ANAPC10: variants seen among roughly 807,000 people sequenced by gnomAD.
ANAPC10 encodes the protein anaphase promoting complex subunit 10, also known as anaphase-promoting complex subunit 10.
Under a neutral mutation model 22.0 loss-of-function variants are expected in ANAPC10, and 12 were observed. The ratio of observed to expected loss-of-function variants is 0.55; its 90% confidence interval spans 0.35 to 0.88. ANAPC10 has a LOEUF of 0.88. Among genes scored for constraint, ANAPC10 ranks in the 40% least tolerant of loss-of-function variants. The pLI, the probability that ANAPC10 is intolerant of heterozygous loss-of-function variation, is 0.01. For missense variants in ANAPC10, 188 were observed against 220.9 expected (o/e 0.85, Z 0.94); for synonymous variants, 65 against 69.5 (o/e 0.94, Z 0.32).
chr4:145,097,810 CG>C (rs1748807416), intron 1 of ANAPC10: 2 of 337,778 alleles, frequency 5.9e-6, no homozygotes, highest in Non-Finnish European at 1.2e-5. Context: ...ATTCAACTGC[CG>C]GACTTGGGAC....
chr4:145,097,509 C>T (rs952211365), intron 1 of ANAPC10: 5 of 1,287,196 alleles, frequency 3.9e-6, no homozygotes, highest in Non-Finnish European at 5.1e-6. Flanking sequence ...TCCTTGACAC[C>T]TCCCATTGTA....
At chr4:145,008,547 A>T (rs1578886184) in intron 4 of ANAPC10, among the ~76,000 whole-genome samples, 1 of 152,198 alleles carries the variant, frequency 6.6e-6, no homozygotes, top group South Asian at 2.1e-4. Flanking sequence ...CAAATCAATA[A>T]ACGTAATCCA....
At chr4:145,055,475 T>C (rs920534474) in intron 4 of ANAPC10, among the ~76,000 whole-genome samples, 5 of 152,020 alleles carry the variant, frequency 3.3e-5, no homozygotes, top group Non-Finnish European at 5.9e-5. Context: ...TGAGAATCAC[T>C]TGAACCCAGG....
At chr4:145,025,272 T>G (rs1407812088) in intron 4 of ANAPC10, among the ~76,000 whole-genome samples, 1 of 152,088 alleles carries the variant, frequency 6.6e-6, no homozygotes. Context: ...TTTAATTTCC[T>G]TCAGGAACTT....
At chr4:145,006,221 T>A (rs184246845) in intron 4 of ANAPC10, among the ~76,000 whole-genome samples, 29 of 152,242 alleles carry the variant, frequency 1.9e-4, no homozygotes, top group African/African-American at 6.3e-4. Flanking sequence ...TTTTTGTCTT[T>A]TGTGATCTTT....
At chr4:145,009,640 T>A (rs1055973054) in intron 4 of ANAPC10, among the ~76,000 whole-genome samples, 5 of 152,088 alleles carry the variant, frequency 3.3e-5, no homozygotes, top group Non-Finnish European at 7.4e-5. Context: ...TGAAACTGGA[T>A]CCCTTCCTTA....
intron 4 of ANAPC10, among the ~76,000 whole-genome samples, chr4:145,041,746 A>G (rs11723343): frequency 1.2e-3 from 182 of 152,330 alleles, no homozygotes; most frequent in Middle Eastern, 3.4e-3. Context: ...CTAAAATTTA[A>G]TAACTGGTTC....
At chr4:145,064,533 T>A in intron 4 of ANAPC10, 39 bp downstream of exon 4, 1 of 1,546,550 alleles carries the variant, frequency 6.5e-7, no homozygotes, top group South Asian at 1.2e-5. Flanking sequence ...TGAGTAAAAG[T>A]TAAAGGATGA....
At chr4:145,069,718 A>G (rs892314696) in intron 3 of ANAPC10, among the ~76,000 whole-genome samples, 11 of 152,164 alleles carry the variant, frequency 7.2e-5, no homozygotes, top group African/African-American at 2.7e-4. Flanking sequence ...TATTTTCTTA[A>G]TATTACTAAG....
chr4:145,064,657 G>T lies in ANAPC10; in HGVS notation c.242C>A (p.Ala81Glu). 1 of 1,585,736 alleles carries T rather than the reference G, an allele frequency of 6.3e-7. No individual in the cohort carries two copies. Among genetic ancestry groups the T allele is most frequent in the Non-Finnish European group, 8.6e-7 (1 of 1,163,440 alleles). The change falls in exon 4 of 5, where the codon GCA (alanine) becomes GAA (glutamate). Residue 81 changes from alanine to glutamate, a missense_variant. Coordinates refer to ENST00000507656, the MANE Select transcript of ANAPC10 (RefSeq NM_001256706.2). Reference protein sequence around the residue: ...KTTVKTLCIYADYKSDESYTP... With the variant: ...KTTVKTLCIYEDYKSDESYTP... Reference sequence around the variant, plus strand: ...ATAGCTTTCATCAGATTTGTAGTCTGCATAAATACATAATGTCTTCACTGT... The same window carrying T: ...ATAGCTTTCATCAGATTTGTAGTCTTCATAAATACATAATGTCTTCACTGT...
chr4:145,025,172 T>C (rs991274272), intron 4 of ANAPC10, among the ~76,000 whole-genome samples: 3 of 151,470 alleles, frequency 2.0e-5, no homozygotes, highest in African/African-American at 7.2e-5. Context: ...TTGTGGCTGG[T>C]TTGATTTTCT....
chr4:145,054,177 T>G (rs963861197), intron 4 of ANAPC10, among the ~76,000 whole-genome samples: 10 of 150,204 alleles, frequency 6.7e-5, no homozygotes, highest in Admixed American at 2.7e-4. Context: ...AAAGTGCTGG[T>G]ATTACAGGCC....
intron 3 of ANAPC10, among the ~76,000 whole-genome samples, chr4:145,075,085 A>G (rs2126545209): frequency 6.6e-6 from 1 of 152,186 alleles, no homozygotes. Context: ...TAGCAGGGGA[A>G]GCCGACATGG....
At chr4:145,009,297 A>G (rs1733927081) in intron 4 of ANAPC10, among the ~76,000 whole-genome samples, 1 of 152,118 alleles carries the variant, frequency 6.6e-6, no homozygotes, top group Admixed American at 6.5e-5. Flanking sequence ...CCATCAAACT[A>G]CCAATGACTT....
At chr4:145,075,982 T>C (rs1745141159) in intron 3 of ANAPC10, among the ~76,000 whole-genome samples, 1 of 152,142 alleles carries the variant, frequency 6.6e-6, no homozygotes, top group South Asian at 2.1e-4. Flanking sequence ...TGAGCAACAC[T>C]TTGTCTGCCA....
intron 4 of ANAPC10, among the ~76,000 whole-genome samples, chr4:145,060,843 T>C (rs1341823353): frequency 6.6e-6 from 1 of 152,048 alleles, no homozygotes; most frequent in South Asian, 2.1e-4. Context: ...AATAAAATCA[T>C]GATCTGCTTC....
At chr4:145,080,137 A>AAC (rs386401760) in intron 3 of ANAPC10, among the ~76,000 whole-genome samples, 6 of 150,492 alleles carry the variant, frequency 4.0e-5, no homozygotes, top group East Asian at 1.9e-4. Context: ...AAAAAAAAAA[A>AAC]ACACACATTG....
chr4:145,043,169 G>A (rs1424399751), intron 4 of ANAPC10, among the ~76,000 whole-genome samples: 1 of 150,794 alleles, frequency 6.6e-6, no homozygotes, highest in Non-Finnish European at 1.5e-5. Context: ...TGCTTAAGAT[G>A]GAAACAGTGT....
At chr4:145,028,013 A>C (rs1737005889) in intron 4 of ANAPC10, among the ~76,000 whole-genome samples, 1 of 152,200 alleles carries the variant, frequency 6.6e-6, no homozygotes, top group South Asian at 2.1e-4. Flanking sequence ...TTAGAAATAC[A>C]AGAAATTTAG....
Sources: allele counts gnomAD v4.1 joint callset (sites outside exome capture counted in the v4.1 genomes callset), GRCh38; gene constraint gnomAD v4.1.1; transcripts MANE v1.5; gene names NCBI Gene and HGNC (gene_info 2026-07-23, HGNC 2026-07-21).